PTPN2: variants seen among roughly 807,000 people sequenced by gnomAD.
PTPN2 encodes tyrosine-protein phosphatase non-receptor type 2.
A neutral mutation model predicts 57.3 loss-of-function variants in PTPN2; 19 were observed. That is an observed-to-expected ratio of 0.33 (90% CI 0.23 to 0.49). PTPN2 has a LOEUF of 0.49. PTPN2 is among the 20% of genes least tolerant of loss of function. The probability of loss-of-function intolerance (pLI) is 0.99; values close to 1 mark genes in which losing one functional copy is unlikely to be tolerated. For missense variants in PTPN2, 358 were observed against 501.1 expected (o/e 0.71, Z 2.73); for synonymous variants, 153 against 164.9 (o/e 0.93, Z 0.55).
chr18:12,796,602 C>T (rs2041199841), intron 8 of PTPN2, among the ~76,000 whole-genome samples: 1 of 152,164 alleles, frequency 6.6e-6, no homozygotes, highest in South Asian at 2.1e-4. Flanking sequence ...CATAGAGTTA[C>T]CATATGACCT....
chr18:12,879,597 T>G (rs2044602585), intron 1 of PTPN2, among the ~76,000 whole-genome samples: 1 of 152,252 alleles, frequency 6.6e-6, no homozygotes, highest in African/African-American at 2.4e-5. Flanking sequence ...TAACAGAGTC[T>G]GTTCTGCTCC....
chr18:12,864,328 G>A (rs1568161959), intron 1 of PTPN2: 2 of 151,726 alleles, frequency 1.3e-5, no homozygotes, highest in African/African-American at 2.4e-5. Context: ...ATTATGAAAT[G>A]GTCCATTCTG....
downstream of PTPN2, among the ~76,000 whole-genome samples, chr18:12,788,518 C>T (rs1305385070): frequency 6.9e-6 from 1 of 144,412 alleles, no homozygotes. Flanking sequence ...AATGATTCTC[C>T]AGCCTCGGCC....
At chr18:12,801,692 C>T (rs1005566015) in intron 8 of PTPN2, 15 of 286,840 alleles carry the variant, frequency 5.2e-5, no homozygotes, top group African/African-American at 2.7e-4. Context: ...TTCAGTCTCC[C>T]GAGTGGCTGG....
At chr18:12,873,412 A>C (rs1236225927) in intron 1 of PTPN2, among the ~76,000 whole-genome samples, 1 of 152,174 alleles carries the variant, frequency 6.6e-6, no homozygotes, top group East Asian at 1.9e-4. Context: ...CTCAGCCTGC[A>C]GAGTGCCTGC....
intron 2 of PTPN2, among the ~76,000 whole-genome samples, chr18:12,847,347 G>C (rs2043244957): frequency 1.3e-5 from 2 of 152,216 alleles, no homozygotes; most frequent in South Asian, 4.1e-4. Context: ...ATATTCACCA[G>C]TGCTATTATT....
Position 12,883,268 on chromosome 18 carries a change from A to C in PTPN2, c.69+805T>G, listed in dbSNP as rs935298113. Reference sequence around the variant, plus strand: ...AGGGAAAGTATACCTCAGTAAGGAAAACTATAAAGAGAATGACACGCTATC... The same window carrying C: ...AGGGAAAGTATACCTCAGTAAGGAACACTATAAAGAGAATGACACGCTATC... On this transcript the variant is annotated intron_variant, in intron 1 of 8. Transcript: ENST00000309660. 1.3e-5 allele frequency among the ~76,000 whole-genome samples: 2 copies of C among 152,186 alleles called. 1 individual carries two copies. Among genetic ancestry groups the C allele is most frequent in the South Asian group, 4.1e-4 (2 of 4,830 alleles).
intron 5 of PTPN2, among the ~76,000 whole-genome samples, chr18:12,820,159 G>T (rs148233548): frequency 1.3e-5 from 2 of 152,222 alleles, no homozygotes; most frequent in African/African-American, 4.8e-5. Flanking sequence ...TTCAGGTCAC[G>T]CTGTCTGGGA....
chr18:12,786,918 T>C (rs908654355), intron 9 of PTPN2: 3 of 152,186 alleles, frequency 2.0e-5, no homozygotes, highest in Non-Finnish European at 2.9e-5. Context: ...ACAACTACTA[T>C]GGGTGTTTAT....
intron 2 of PTPN2, among the ~76,000 whole-genome samples, chr18:12,841,724 C>T (rs934644388): frequency 2.0e-5 from 3 of 152,156 alleles, no homozygotes; most frequent in Admixed American, 6.5e-5. Flanking sequence ...CACAAATCTC[C>T]TAATTGAAAA....
chr18:12,807,583 AAAAAT>A (rs1169863210), intron 7 of PTPN2, among the ~76,000 whole-genome samples: 50 of 69,428 alleles, frequency 7.2e-4, no homozygotes, highest in African/African-American at 1.7e-3. Flanking sequence ...AAAAAAAAAA[AAAAAT>A]ATATATATAT....
intron 2 of PTPN2, among the ~76,000 whole-genome samples, chr18:12,852,038 C>A (rs574398727): frequency 6.6e-6 from 1 of 152,068 alleles, no homozygotes; most frequent in East Asian, 1.9e-4. Context: ...CTGCCAGGGG[C>A]TGGGGGAAGA....
In PTPN2 at chr18:12,830,990, T is replaced by G. The variant is rs1408071596; in HGVS notation, c.313A>C (p.Lys105Gln). The G allele has an allele frequency of 6.2e-7, 1 of 1,611,700 alleles. No individual in the cohort carries two copies. The highest frequency in any genetic ancestry group is 1.7e-5 in the Admixed American group (1 of 60,016). Reference sequence around the variant, plus strand: ...TTCAGCATGACAACTGCTTTGGTCTTCTGCTGCCAAACCATAAGCCAGAAA... The same window carrying G: ...TTCAGCATGACAACTGCTTTGGTCTGCTGCTGCCAAACCATAAGCCAGAAA... ...CHFWLMVWQQ[K>Q]TKAVVMLNRI... The change falls in exon 4 of 9, where the codon AAG becomes CAG. Residue 105 changes from lysine to glutamine, a missense_variant. Physicochemically the swap from Lys to Gln is moderately conservative, Grantham distance 53. Coordinates refer to ENST00000309660, the MANE Select transcript of PTPN2 (RefSeq NM_002828.4).
chr18:12,872,322 AAAG>A (rs2044295785), intron 1 of PTPN2: 1 of 152,216 alleles, frequency 6.6e-6, no homozygotes, highest in African/African-American at 2.4e-5. Flanking sequence ...AAATATAGTG[AAAG>A]AAGAAATAAA....
At chr18:12,877,853 T>C (rs1451448093) in intron 1 of PTPN2, among the ~76,000 whole-genome samples, 1 of 151,480 alleles carries the variant, frequency 6.6e-6, no homozygotes, top group East Asian at 2.0e-4. Context: ...CTACTAAAAA[T>C]ACAAAAAATT....
chr18:12,791,072 T>A (rs933604307), downstream of PTPN2, among the ~76,000 whole-genome samples: 3 of 152,254 alleles, frequency 2.0e-5, no homozygotes, highest in African/African-American at 7.2e-5. Context: ...CATTTTTATA[T>A]GGATACATTA....
At chr18:12,844,985 A>G (rs1306724755) in intron 2 of PTPN2, among the ~76,000 whole-genome samples, 2 of 152,044 alleles carry the variant, frequency 1.3e-5, no homozygotes, top group African/African-American at 4.8e-5. Context: ...TTACAAGTCT[A>G]TTTCTAGATT....
intron 1 of PTPN2, among the ~76,000 whole-genome samples, chr18:12,859,866 CA>C (rs2043730426): frequency 6.6e-6 from 1 of 152,176 alleles, no homozygotes; most frequent in Non-Finnish European, 1.5e-5. Flanking sequence ...AAATGTTCAG[CA>C]ACAAGCCTGG....
intron 2 of PTPN2, among the ~76,000 whole-genome samples, chr18:12,844,464 T>C (rs2043150389): frequency 6.6e-6 from 1 of 152,246 alleles, no homozygotes; most frequent in African/African-American, 2.4e-5. Context: ...ACTTTAGCTG[T>C]TTTAGTAGGC....
Sources: gnomAD v4.1 joint callset for allele counts (sites outside exome capture counted in the v4.1 genomes callset) on GRCh38, gnomAD v4.1.1 for gene constraint, MANE v1.5 for transcripts, NCBI Gene and HGNC (gene_info 2026-07-23, HGNC 2026-07-21) for gene names.